ADAMTS3: variants seen among roughly 807,000 people sequenced by gnomAD.
ADAMTS3 encodes A disintegrin and metalloproteinase with thrombospondin motifs 3.
In ADAMTS3, 73 loss-of-function variants were observed where a neutral mutation model predicts 129.0. The ratio of observed to expected loss-of-function variants is 0.57; its 90% confidence interval spans 0.47 to 0.69. ADAMTS3 has a LOEUF of 0.69. Ranked by LOEUF, ADAMTS3 falls within the 30% of genes least tolerant of loss-of-function variation. The pLI is 0.00. For missense variants in ADAMTS3, 1,457 were observed against 1,514.5 expected (o/e 0.96, Z 0.63); for synonymous variants, 477 against 510.8 (o/e 0.93, Z 0.89).
In ADAMTS3 at chr4:72,315,888, T is replaced by C. The variant is rs746988160; in HGVS notation, c.1569A>G (p.Pro523=). 6.2e-7 allele frequency: 1 copy of C among 1,612,038 alleles called. No individual in the cohort carries two copies. ...PYFCKTKKGP[P]LDGTECAAGK... is the part of the protein sequence containing the mutation. The stretch of plus-strand genomic sequence containing the variant: ...CAGCAGCACATTCAGTCCCATCAAG[T>C]GGAGGTCCCTTTTTAGTCTTACAAA... Residue 523 remains proline, a synonymous_variant, in exon 11 of 22, where the codon CCA becomes CCG. Transcript: ENST00000286657.
At chr4:72,290,604 C>G (rs987864528) in intron 20 of ADAMTS3, among the ~76,000 whole-genome samples, 1 of 152,166 alleles carries the variant, frequency 6.6e-6, no homozygotes, top group Admixed American at 6.5e-5. Context: ...GGGAAGTCAA[C>G]AAAAATATTA....
intron 3 of ADAMTS3, among the ~76,000 whole-genome samples, chr4:72,492,209 C>A (rs548503339): frequency 6.6e-6 from 1 of 151,604 alleles, no homozygotes; most frequent in East Asian, 1.9e-4. Context: ...CGAAAAACAA[C>A]TTTCAGCTTT....
chr4:72,519,557 A>C (rs992856836), intron 3 of ADAMTS3, among the ~76,000 whole-genome samples: 3 of 151,940 alleles, frequency 2.0e-5, no homozygotes, highest in Non-Finnish European at 4.4e-5. Context: ...TTTTTTCTCT[A>C]AACTTCCCTT....
chr4:72,329,891 T>C (rs775808767), intron 5 of ADAMTS3, among the ~76,000 whole-genome samples: 1 of 152,204 alleles, frequency 6.6e-6, no homozygotes, highest in Non-Finnish European at 1.5e-5. Flanking sequence ...CATGTCAGTG[T>C]TGCTCAAGGT....
chr4:72,480,239 T>C (rs980741175), intron 3 of ADAMTS3, among the ~76,000 whole-genome samples: 1 of 152,156 alleles, frequency 6.6e-6, no homozygotes, highest in Non-Finnish European at 1.5e-5. Flanking sequence ...TAAAGACACA[T>C]GCACACGTAT....
intron 4 of ADAMTS3, among the ~76,000 whole-genome samples, chr4:72,408,823 C>T (rs762741711): frequency 4.6e-5 from 7 of 151,900 alleles, no homozygotes; most frequent in Non-Finnish European, 8.8e-5. Flanking sequence ...CCATCATTCT[C>T]AGCAAACTAT....
intron 5 of ADAMTS3, among the ~76,000 whole-genome samples, chr4:72,335,901 G>C (rs1719977727): frequency 6.6e-6 from 1 of 151,896 alleles, no homozygotes; most frequent in Admixed American, 6.6e-5. Context: ...ATATTCATTT[G>C]TTCTTCTTTC....
chr4:72,502,018 A>C (rs907203565), intron 3 of ADAMTS3, among the ~76,000 whole-genome samples: 2 of 152,030 alleles, frequency 1.3e-5, no homozygotes, highest in Non-Finnish European at 2.9e-5. Context: ...GTTTGCTAGT[A>C]TTTCCTTTTC....
intron 4 of ADAMTS3, among the ~76,000 whole-genome samples, chr4:72,353,630 C>G (rs767738533): frequency 6.6e-6 from 1 of 152,010 alleles, no homozygotes; most frequent in Non-Finnish European, 1.5e-5. Flanking sequence ...CTGTATCATT[C>G]TGGGAACTAG....
rs545013799 is a variant in ADAMTS3 at position 72,520,435 on chromosome 4, C to G, written c.504+28043G>C. 5.7e-3 allele frequency among the ~76,000 whole-genome samples: 864 copies of G among 152,286 alleles called. 2 individuals are homozygous for G. Among genetic ancestry groups the G allele is most frequent in the African/African-American group, 0.02 (830 of 41,556 alleles). On this transcript the variant is annotated intron_variant, in intron 3 of 21. Transcript: ENST00000286657. Reference sequence around the variant, plus strand: ...TGTCTTTTTGTTTGTCTGTGCCCTGCCCCCAGAGGTGGAGCCTACACAGAC... The same window carrying G: ...TGTCTTTTTGTTTGTCTGTGCCCTGGCCCCAGAGGTGGAGCCTACACAGAC...
intron 3 of ADAMTS3, among the ~76,000 whole-genome samples, chr4:72,526,733 C>CATACAT (rs1468888257): frequency 2.0e-5 from 2 of 99,098 alleles, no homozygotes; most frequent in African/African-American, 8.1e-5. Flanking sequence ...TATATACATA[C>CATACAT]ATATATATAT....
chr4:72,446,655 A>C (rs1718260878), intron 3 of ADAMTS3, among the ~76,000 whole-genome samples: 1 of 151,728 alleles, frequency 6.6e-6, no homozygotes, highest in Admixed American at 6.6e-5. Context: ...GTGAAAGAGA[A>C]GATCCCTGAT....
At chr4:72,407,443 A>G (rs1045755758) in intron 4 of ADAMTS3, among the ~76,000 whole-genome samples, 1 of 152,158 alleles carries the variant, frequency 6.6e-6, no homozygotes, top group African/African-American at 2.4e-5. Flanking sequence ...TCCCTGTAGC[A>G]CATGGAATAA....
chr4:72,529,173 T>C (rs1056508915), intron 3 of ADAMTS3, among the ~76,000 whole-genome samples: 7 of 152,052 alleles, frequency 4.6e-5, no homozygotes, highest in African/African-American at 1.7e-4. Context: ...GGCAGGAAAA[T>C]TTTAAATTGT....
At chr4:72,549,962 A>AAAAAAAG (rs1553922658) in intron 2 of ADAMTS3, among the ~76,000 whole-genome samples, 2 of 30,894 alleles carry the variant, frequency 6.5e-5, no homozygotes, top group Non-Finnish European at 1.2e-4. Flanking sequence ...AAAAAAAAAA[A>AAAAAAAG]AAGAAGAAGA....
At chr4:72,292,423 C>G (rs1405368701) in intron 19 of ADAMTS3, among the ~76,000 whole-genome samples, 1 of 152,216 alleles carries the variant, frequency 6.6e-6, no homozygotes, top group African/African-American at 2.4e-5. Flanking sequence ...CTTATTGGCC[C>G]TTACTGGGCC....
At chr4:72,296,940 T>C (rs1475772621) in intron 18 of ADAMTS3, among the ~76,000 whole-genome samples, 3 of 152,076 alleles carry the variant, frequency 2.0e-5, no homozygotes, top group Admixed American at 2.0e-4. Flanking sequence ...TAAAAACTAT[T>C]TGTTTTATAA....
chr4:72,456,345 C>CTATATATATTTTATATATATTT (rs1200041073), intron 3 of ADAMTS3, among the ~76,000 whole-genome samples: 1 of 22,140 alleles, frequency 4.5e-5, no homozygotes, highest in Non-Finnish European at 9.3e-5. Flanking sequence ...ACTGTATATA[C>CTATATATATTTTATATATATTT]TATATATAGT....
chr4:72,543,274 T>TAATACA (rs1721382676), intron 3 of ADAMTS3, among the ~76,000 whole-genome samples: 1 of 152,154 alleles, frequency 6.6e-6, no homozygotes, highest in Admixed American at 6.5e-5. Context: ...AAAGATGAAC[T>TAATACA]AATACAGCTA....
Sources: allele counts gnomAD v4.1 joint callset (sites outside exome capture counted in the v4.1 genomes callset), GRCh38; gene constraint gnomAD v4.1.1; transcripts MANE v1.5; gene names NCBI Gene and HGNC (gene_info 2026-07-23, HGNC 2026-07-21).